Variants in TRIP11 observed in about 807,000 individuals in gnomAD.
TRIP11 encodes the protein thyroid hormone receptor interactor 11, also known as thyroid receptor-interacting protein 11.
In TRIP11, 148 loss-of-function variants were observed where a neutral mutation model predicts 223.1. The ratio of observed to expected loss-of-function variants is 0.66; its 90% CI spans 0.58 to 0.76. The LOEUF is 0.76. Ranked by LOEUF, TRIP11 falls within the 30% of genes least tolerant of loss-of-function variation. The probability of loss-of-function intolerance (pLI) is 0.00; values close to 1 mark genes in which losing one functional copy is unlikely to be tolerated. For missense variants in TRIP11, 2,043 were observed against 2,222.0 expected (o/e 0.92, Z 1.62); for synonymous variants, 762 against 772.6 (o/e 0.99, Z 0.23).
chr14:92,000,231 T>C, intron 11 of TRIP11, 123 bp from the exon 12 acceptor site: 1 of 1,462,430 alleles, frequency 6.8e-7, no homozygotes, highest in Non-Finnish European at 9.3e-7. Flanking sequence ...CCCGATTTAC[T>C]CTCTGAGTAG....
rs140780067 is a variant in TRIP11 at position 92,005,673 on chromosome 14, T to A, written c.2303A>T (p.Asn768Ile). 9 of 1,613,706 alleles carry A rather than the reference T, an allele frequency of 5.6e-6. No homozygotes were observed. In the Middle Eastern group the frequency reaches 4.9e-4, roughly 88 times the overall value. ...QLEHEHLIKL[N>I]QKKDMEIAEL... ...TGCTATTTCCATGTCTTTCTTTTGA[T>A]TGAGTTTAATTAAATGCTCATGTTC... Residue 768 changes from asparagine to isoleucine, a missense_variant, in exon 11 of 21, where the codon AAT becomes ATT. By Grantham distance (149) the Asn-to-Ile change is moderately radical. Transcript: ENST00000267622.
At chr14:92,039,479 A>G (rs2057359535) in intron 1 of TRIP11, 68 bp downstream of exon 1, 2 of 1,568,792 alleles carry the variant, frequency 1.3e-6, no homozygotes, top group African/African-American at 2.7e-5. Context: ...TGACTGATGG[A>G]AGTAGGGACC....
intron 11 of TRIP11, among the ~76,000 whole-genome samples, chr14:92,000,923 C>A (rs949302056): frequency 1.3e-5 from 2 of 150,320 alleles, no homozygotes; most frequent in Non-Finnish European, 3.0e-5. Flanking sequence ...TGCAGTGGCG[C>A]GATCTCGGTT....
chr14:92,022,767 A>G (rs1403475626), intron 3 of TRIP11, among the ~76,000 whole-genome samples: 1 of 152,240 alleles, frequency 6.6e-6, no homozygotes, highest in Non-Finnish European at 1.5e-5. Context: ...CTATATGCAT[A>G]AAGTTAAGCA....
At position 91,968,741 on chromosome 14, in the gene TRIP11, G is replaced by A. The variant is rs560559229; in HGVS notation, c.*932C>T. On this transcript the variant is annotated 3_prime_UTR_variant, in exon 21 of 21. Coordinates refer to ENST00000267622, the MANE Select transcript of TRIP11 (RefSeq NM_004239.4). ...ATGGATCTCAAGGGAATTATGCTGA[G>A]TGAAAAAAAGCCAGTCTCAAGAGGG... 3 of 228,502 alleles carry A rather than the reference G, an allele frequency of 1.3e-5. No individual in the cohort carries two copies. The highest frequency in any genetic ancestry group is 6.7e-5 in the African/African-American group (3 of 45,110). The allele number at this position is 228,502 out of a possible 1,614,324, so 14.2% of individuals were successfully genotyped here.
At chr14:91,992,009 G>A (rs2056678429) in intron 15 of TRIP11, among the ~76,000 whole-genome samples, 1 of 144,762 alleles carries the variant, frequency 6.9e-6, no homozygotes, top group Non-Finnish European at 1.5e-5. Flanking sequence ...CTTGAACCCA[G>A]GGCAAAGGTT....
At position 92,006,191 on chromosome 14, in the gene TRIP11, T is replaced by C. The variant is rs2056900262; in HGVS notation, c.1785A>G (p.Ser595=). 6.2e-7 allele frequency: 1 copy of C among 1,613,356 alleles called. No homozygotes were observed. Among genetic ancestry groups the C allele is most frequent in the Non-Finnish European group, 8.5e-7 (1 of 1,179,818 alleles). The change falls in exon 11 of 21, where the codon TCA becomes TCG. Residue 595 remains serine, a synonymous_variant. Coordinates refer to ENST00000267622, the MANE Select transcript of TRIP11 (RefSeq NM_004239.4). The part of the protein sequence containing the change: ...VENLVDQLNK[S]QESNVSIQKE... ...TCTGGATGCTTACATTACTTTCTTG[T>C]GATTTATTTAGCTGATCTACTAAAT...
At chr14:92,003,392 T>C in intron 11 of TRIP11, 27 bp downstream of exon 11, 1 of 1,611,008 alleles carries the variant, frequency 6.2e-7, no homozygotes, top group Non-Finnish European at 8.5e-7. Context: ...CCCAACTTCC[T>C]TCTACAATAC....
chr14:92,004,986 G>A lies in TRIP11; in HGVS notation c.2990C>T (p.Thr997Ile). The change falls in exon 11 of 21, where the codon ACA (threonine) becomes ATA (isoleucine). Residue 997 changes from threonine to isoleucine, a missense_variant. By Grantham distance (89) the Thr-to-Ile change is moderately conservative. Coordinates refer to ENST00000267622, the MANE Select transcript of TRIP11 (RefSeq NM_004239.4). ...QTDNSDIFQE[T>I]KVQSLNIENG... ...TTCTATATTAAGGCTCTGAACTTTT[G>A]TTTCTTGAAAAATATCAGAGTTATC... The A allele has an allele frequency of 6.2e-7, 1 of 1,613,420 alleles. No homozygotes were observed. Among genetic ancestry groups the A allele is most frequent in the Non-Finnish European group, 8.5e-7 (1 of 1,179,912 alleles).
chr14:91,999,561 T>C (rs1191933846), intron 12 of TRIP11, 128 bp from the exon 13 acceptor site: 10 of 1,015,626 alleles, frequency 9.8e-6, no homozygotes, highest in Non-Finnish European at 1.5e-5. Flanking sequence ...TACTGCAAAA[T>C]GTATTTATGC....
rs1181554410 is a variant in TRIP11, at chr14:91,969,715, G to T, written c.5898C>A (p.Asp1966Glu). 2 of 1,612,940 alleles carry T rather than the reference G, an allele frequency of 1.2e-6. No individual in the cohort carries two copies. The highest frequency in any genetic ancestry group is 2.7e-5 in the African/African-American group (2 of 74,882). The change falls in exon 21 of 21, where the codon GAC becomes GAA. Residue 1966 changes from aspartate to glutamate, a missense_variant. Coordinates refer to ENST00000267622, the MANE Select transcript of TRIP11 (RefSeq NM_004239.4). Reference protein sequence around the residue: ...PTFTPLPALPDNSAGVVLKDL... With the variant: ...PTFTPLPALPENSAGVVLKDL... ...CTTTCAGCACAACCCCAGCACTGTTGTCAGGTAACGCTGGCAAAGGTGTAA... is the reference window on the plus strand; with the variant it reads ...CTTTCAGCACAACCCCAGCACTGTTTTCAGGTAACGCTGGCAAAGGTGTAA...
chr14:92,030,110 T>C (rs1159807166), intron 2 of TRIP11, among the ~76,000 whole-genome samples: 1 of 142,806 alleles, frequency 7.0e-6, no homozygotes, highest in African/African-American at 2.6e-5. Flanking sequence ...GGCAGGAGAA[T>C]GGCGTGAACC....
At position 91,995,341 on chromosome 14, in the gene TRIP11, G is replaced by A. The variant is rs199549473; in HGVS notation, c.5056+11C>T. 3.1e-4 allele frequency: 494 copies of A among 1,612,848 alleles called. 1 individual carries two copies. The African/African-American group carries it at 5.3e-3, about 17-fold the overall frequency. ...ATTTTTCTTCATTGAAAGAGTGACC[G>A]TAGAGCTTACCTTGTTGGAAATGCT... is the stretch of plus-strand genomic sequence containing the variant. On this transcript the variant is annotated intron_variant, in intron 14 of 20. Transcript: ENST00000267622.
rs1487595126 is a variant in TRIP11, at chr14:91,968,218, T to C, written c.*1455A>G. 1.5e-5 allele frequency: 3 copies of C among 200,860 alleles called. No homozygotes were observed. Among genetic ancestry groups the C allele is most frequent in the Non-Finnish European group, 3.1e-5 (3 of 97,594 alleles). The allele number at this position is 200,860 out of a possible 1,614,324, so 12.4% of individuals were successfully genotyped here. A position where few individuals can be genotyped will look rare whatever the true frequency, so the allele number is the denominator to read the frequency against. On this transcript the variant is annotated 3_prime_UTR_variant, in exon 21 of 21. Transcript: ENST00000267622. ...TCCTTCCTTGTTATACAAATGTTTC[T>C]ATTTTAAAAGCATATAGAAATTTAC...
At position 91,995,349 on chromosome 14, in the gene TRIP11, T is replaced by C. The variant is rs1290846726; in HGVS notation, c.5056+3A>G. On this transcript the variant is annotated splice_donor_region_variant and intron_variant, in intron 14 of 20. Transcript: ENST00000267622. ...TCATTGAAAGAGTGACCGTAGAGCTTACCTTGTTGGAAATGCTCTAGTACC... is the reference window on the plus strand; with the variant it reads ...TCATTGAAAGAGTGACCGTAGAGCTCACCTTGTTGGAAATGCTCTAGTACC... 6.2e-7 allele frequency: 1 copy of C among 1,613,346 alleles called. No homozygotes were observed. The highest frequency in any genetic ancestry group is 8.5e-7 in the Non-Finnish European group (1 of 1,179,910).
In TRIP11 at chr14:91,969,801, G is replaced by C. The variant is rs922184279; in HGVS notation, c.5812C>G (p.Leu1938Val). The change falls in exon 21 of 21, where the codon CTT (leucine) becomes GTT (valine). Residue 1938 changes from leucine (L) to valine (V), a missense_variant. By Grantham distance (32) the Leu-to-Val change is conservative. Transcript: ENST00000267622. ...AGATGCCCGGGCCCACCAGGTCCAA[G>C]TCCAGCTGGGTTAATAAGAGGTACA... ...AAVPLINPAGLGPGGPGHLLL... is the reference protein window; with the variant it reads ...AAVPLINPAGVGPGGPGHLLL... The C allele has an allele frequency of 1.9e-6, 3 of 1,614,060 alleles. No homozygotes were observed. In the African/African-American group the frequency reaches 4.0e-5, roughly 22 times the overall value.
Position 92,004,894 on chromosome 14 carries a change from GCT to G in TRIP11, c.3080_3081del (p.Glu1027AlafsTer6). 6.8e-6 allele frequency: 11 copies of G among 1,613,748 alleles called. No individual in the cohort carries two copies. Among genetic ancestry groups the G allele is most frequent in the Non-Finnish European group, 9.3e-6 (11 of 1,179,968 alleles). On this transcript the variant is annotated frameshift_variant, in exon 11 of 21. Transcript: ENST00000267622. LOFTEE classifies it high-confidence loss of function. ...ETERLVKGIKERELEIKLLNE... is the reference protein window; with the variant it reads ...ETERLVKGIKXRELEIKLLNE... ...TTTAGAAGTTTAATCTCCAGTTCTC[GCT>G]CTTTTATTCCTTTCACTAATCTTTC...
intron 16 of TRIP11, 141 bp from the exon 17 acceptor site, chr14:91,976,330 T>C: frequency 1.3e-6 from 1 of 781,550 alleles, no homozygotes; most frequent in Admixed American, 2.2e-5. Context: ...ATAACTTCTA[T>C]CTCTTCTTTG....
rs1198646076 is a variant in TRIP11, at chr14:92,004,740, G to C, written c.3236C>G (p.Ser1079Cys). Residue 1079 changes from serine (S) to cysteine (C), a missense_variant, in exon 11 of 21, where the codon TCC (serine) becomes TGC (cysteine). Ser to Cys is a moderately radical substitution (Grantham distance 112). Transcript: ENST00000267622. The part of the protein sequence containing the change: ...QALHARISST[S>C]HTQDVVYLQQ... Reference sequence around the variant, plus strand: ...AAGGTAAACAACATCTTGAGTATGGGAAGTTGAAGAAATTCTAGCATGAAG... The same window carrying C: ...AAGGTAAACAACATCTTGAGTATGGCAAGTTGAAGAAATTCTAGCATGAAG... The C allele has an allele frequency of 6.8e-6, 11 of 1,614,118 alleles. No homozygotes were observed. The East Asian group carries it at 8.9e-5, about 13-fold the overall frequency.
Sources: gnomAD v4.1 joint callset for allele counts (sites outside exome capture counted in the v4.1 genomes callset) on GRCh38, gnomAD v4.1.1 for gene constraint, MANE v1.5 for transcripts, NCBI Gene and HGNC (gene_info 2026-07-23, HGNC 2026-07-21) for gene names.